The following USP7 variants were observed in gnomAD, a reference collection of about 807,000 sequenced individuals.
USP7 encodes the protein ubiquitin specific peptidase 7, also known as ubiquitin C-terminal hydrolase 7.
A neutral mutation model predicts 162.9 loss-of-function variants in USP7; 9 were observed. That is an observed-to-expected ratio of 0.06 (90% CI 0.03 to 0.10). The LOEUF is 0.10. Among genes scored for constraint, USP7 ranks in the 10% least tolerant of loss-of-function variants. The pLI, the probability that USP7 is intolerant of heterozygous loss-of-function variation, is 1.00. For synonymous variants in USP7, 562 were observed against 475.9 expected (o/e 1.18, Z -2.35); for missense variants, 715 against 1,373.7 (o/e 0.52, Z 7.58).
chr16:8,919,197 G>A, intron 5 of USP7, 58 bp from the exon 6 acceptor site: 2 of 1,554,708 alleles, frequency 1.3e-6, no homozygotes, highest in South Asian at 1.1e-5. Flanking sequence ...CTCCTGCAGT[G>A]TGTGTGAAGC....
At chr16:8,923,176 T>G in intron 3 of USP7, 39 bp downstream of exon 3, 3 of 59,612 alleles carry the variant, frequency 5.0e-5, no homozygotes, top group Non-Finnish European at 9.1e-5. Flanking sequence ...TGCACTAGGC[T>G]GATCAAATTT....
intron 10 of USP7, among the ~76,000 whole-genome samples, chr16:8,914,097 AAAG>A (rs1287731072): frequency 1.3e-5 from 2 of 152,244 alleles, no homozygotes; most frequent in African/African-American, 2.4e-5. Flanking sequence ...AGGAAAAAGA[AAAG>A]AAGCCAATAC....
chr16:8,913,282 G>C (rs1027980127), intron 10 of USP7, among the ~76,000 whole-genome samples: 6 of 152,218 alleles, frequency 3.9e-5, no homozygotes, highest in African/African-American at 7.2e-5. Flanking sequence ...CTTGAGCCCA[G>C]GAGGTGGAGG....
intron 1 of USP7, among the ~76,000 whole-genome samples, chr16:8,957,126 C>A (rs906647690): frequency 6.6e-6 from 1 of 152,214 alleles, no homozygotes; most frequent in East Asian, 1.9e-4. Context: ...GTTAAAATTA[C>A]CAACCCTCAG....
intron 3 of USP7, among the ~76,000 whole-genome samples, chr16:8,922,315 C>T (rs533198860): frequency 6.6e-5 from 10 of 152,298 alleles, no homozygotes; most frequent in African/African-American, 1.9e-4. Context: ...ATGGTGAAAC[C>T]CCGTCCCTAT....
rs1372127093 is a variant in USP7 at position 8,963,251 on chromosome 16, G to A, written c.35C>T (p.Ala12Val). The change falls in exon 1 of 31, where the codon GCG becomes GTG. Residue 12 changes from alanine to valine, a missense_variant. By Grantham distance (64) the Ala-to-Val change is moderately conservative. Transcript: ENST00000344836. ...NHQQQQQQQK[A>V]GEQQLSEPED... is the part of the protein sequence containing the mutation. ...GGGCTCGCTCAACTGCTGCTCGCCC[G>A]CTTTCTGCTGCTGCTGCTGCTGCTG... The A allele has an allele frequency of 5.8e-6, 8 of 1,380,506 alleles. No individual in the cohort carries two copies. The highest frequency in any genetic ancestry group is 7.6e-6 in the Non-Finnish European group (8 of 1,055,482). The allele number at this position is 1,380,506 out of a possible 1,614,324, so 85.5% of individuals were successfully genotyped here. A position where few individuals can be genotyped will look rare whatever the true frequency, so the allele number is the denominator to read the frequency against.
intron 2 of USP7, among the ~76,000 whole-genome samples, chr16:8,925,324 T>G (rs545365805): frequency 1.3e-5 from 2 of 152,188 alleles, no homozygotes; most frequent in African/African-American, 4.8e-5. Flanking sequence ...GACTACTAGC[T>G]TGCCCGCTTT....
intron 2 of USP7, among the ~76,000 whole-genome samples, chr16:8,926,002 A>G (rs753806744): frequency 2.6e-5 from 4 of 151,950 alleles, no homozygotes; most frequent in Non-Finnish European, 5.9e-5. Context: ...AAACTACAAA[A>G]AATTAGCCGG....
At chr16:8,920,993 C>T (rs963157850) in intron 4 of USP7, among the ~76,000 whole-genome samples, 164 bp downstream of exon 4, 1 of 152,148 alleles carries the variant, frequency 6.6e-6, no homozygotes, top group Admixed American at 6.5e-5. Flanking sequence ...CTGCTAAAAA[C>T]GTAAGATACG....
Position 8,905,190 on chromosome 16 carries a change from G to A in USP7, c.1570C>T (p.Leu524=). ...YMLVYIRESK[L]SEVLQAVTDH... ...AACAAAAGTGAACACTACTCACTCA[G>A]TTTTGATTCCCTGATGTAGACTAAC... is the stretch of plus-strand genomic sequence containing the variant. The change falls in exon 14 of 31, where the codon CTG becomes TTG. Residue 524 remains leucine (L), a synonymous_variant. Transcript: ENST00000344836. 1 of 1,613,824 alleles carries A rather than the reference G, an allele frequency of 6.2e-7. No individual in the cohort carries two copies. Among genetic ancestry groups the A allele is most frequent in the Non-Finnish European group, 8.5e-7 (1 of 1,179,714 alleles).
chr16:8,955,548 T>C (rs931066009), intron 1 of USP7, among the ~76,000 whole-genome samples: 2 of 151,828 alleles, frequency 1.3e-5, no homozygotes, highest in African/African-American at 2.4e-5. Context: ...TCTACTAAAA[T>C]ACAAAAAATT....
At chr16:8,940,507 T>C (rs750387597) in intron 1 of USP7, among the ~76,000 whole-genome samples, 1 of 152,034 alleles carries the variant, frequency 6.6e-6, no homozygotes, top group Non-Finnish European at 1.5e-5. Context: ...GGGGTTACCT[T>C]GGGACCAGGC....
chr16:8,900,752 A>G lies in USP7; in HGVS notation c.2209-122T>C, dbSNP rs1018094253. 7.7e-6 allele frequency: 6 copies of G among 776,490 alleles called. No individual in the cohort carries two copies. In the African/African-American group the frequency reaches 1.1e-4, roughly 14 times the overall value. The allele number at this position is 776,490 out of a possible 1,614,324, so 48.1% of individuals were successfully genotyped here. ...CAATTCTATCCACCTTTTAAGTTAA[A>G]ATGTTAACAGGAAAAGCTAAATGAA... is the stretch of plus-strand genomic sequence containing the variant. On this transcript the variant is annotated intron_variant, in intron 20 of 30. Transcript: ENST00000344836.
At position 8,926,435 on chromosome 16, in the gene USP7, T is replaced by C. The variant is rs146949144; in HGVS notation, c.185-3022A>G. 6.6e-3 allele frequency among the ~76,000 whole-genome samples: 1,003 copies of C among 151,932 alleles called. 10 individuals are homozygous for C. The highest frequency in any genetic ancestry group is 0.023 in the African/African-American group (962 of 41,436). ...TGGAGGTTGCACTGAGCTGAGATCATGGCATTGCACTCCAGCCTGGGCAAC... is the reference window on the plus strand; with the variant it reads ...TGGAGGTTGCACTGAGCTGAGATCACGGCATTGCACTCCAGCCTGGGCAAC... On this transcript the variant is annotated intron_variant, in intron 2 of 30. Coordinates refer to ENST00000344836, the MANE Select transcript of USP7 (RefSeq NM_003470.3).
chr16:8,957,298 A>G (rs1231814805), intron 1 of USP7, among the ~76,000 whole-genome samples: 1 of 152,220 alleles, frequency 6.6e-6, no homozygotes, highest in African/African-American at 2.4e-5. Flanking sequence ...TTAGTTCAGA[A>G]CAAGTAATTT....
intron 1 of USP7, among the ~76,000 whole-genome samples, chr16:8,958,074 A>G (rs557417078): frequency 3.3e-5 from 5 of 152,232 alleles, no homozygotes; most frequent in Non-Finnish European, 5.9e-5. Flanking sequence ...TGTTTCCTGA[A>G]TGAGCATCTC....
At position 8,930,394 on chromosome 16, in the gene USP7, C is replaced by T; in HGVS notation, c.83G>A (p.Gly28Glu). The T allele has an allele frequency of 6.2e-7, 1 of 1,604,498 alleles. No homozygotes were observed. The highest frequency in any genetic ancestry group is 8.5e-7 in the Non-Finnish European group (1 of 1,175,928). Residue 28 changes from glycine (G) to glutamate (E), a missense_variant, in exon 2 of 31, where the codon GGA becomes GAA. Physicochemically the swap from Gly to Glu is moderately conservative, Grantham distance 98. Around this residue, in one of 11 missense-constraint regions of USP7, gnomAD observed 137 missense variants for 123.5 expected, o/e 1.11. Transcript: ENST00000344836. Reference sequence around the variant, plus strand: ...AATTCTTGGTGGGTCATCTGTATCTCCCGCTTTAAAGAAGAAAAAGAAATT... The same window carrying T: ...AATTCTTGGTGGGTCATCTGTATCTTCCGCTTTAAAGAAGAAAAAGAAATT... ...SEPEDMEMEA[G>E]DTDDPPRITQ...
chr16:8,907,875 A>G lies in USP7; in HGVS notation c.1271+466T>C, dbSNP rs531854173. ...AACTACTTGTAACTGGCATACAAAC[A>G]ACTACTTTAGCATTCTTGAAAACTC... On this transcript the variant is annotated intron_variant, in intron 12 of 30. Coordinates refer to ENST00000344836, the MANE Select transcript of USP7 (RefSeq NM_003470.3). Among the ~76,000 whole-genome samples the G allele has an allele frequency of 2.6e-5, 4 of 152,350 alleles. No individual in the cohort carries two copies. In the South Asian group the frequency reaches 8.3e-4, roughly 32 times the overall value.
At chr16:8,897,832 T>C (rs922227093) in intron 25 of USP7, among the ~76,000 whole-genome samples, 1 of 147,900 alleles carries the variant, frequency 6.8e-6, no homozygotes. Context: ...CCAGGAGGTC[T>C]ACGCTGTCGT....
Sources: gnomAD v4.1 joint callset for allele counts (sites outside exome capture counted in the v4.1 genomes callset) on GRCh38, gnomAD v4.1.1 for gene constraint, gnomAD v4.1.1 regional missense constraint, MANE v1.5 for transcripts, NCBI Gene and HGNC (gene_info 2026-07-23, HGNC 2026-07-21) for gene names.